TMEM267: variants seen among roughly 807,000 people sequenced by gnomAD.
The protein encoded by TMEM267 is transmembrane protein C5orf28.
A neutral mutation model predicts 19.3 loss-of-function variants in TMEM267; 20 were observed. The observed-to-expected ratio is 1.04, with a 90% CI of 0.73 to 1.51. TMEM267 has a LOEUF of 1.51. Among genes scored for constraint, TMEM267 ranks in the 40% most tolerant of loss-of-function variants. The pLI, the probability that TMEM267 is intolerant of heterozygous loss-of-function variation, is 0.00. For synonymous variants in TMEM267, 88 were observed against 90.3 expected (o/e 0.97, Z 0.15); for missense variants, 242 against 261.9 (o/e 0.92, Z 0.52).
chr5:43,448,667 T>G (rs1188474899), intron 2 of TMEM267, among the ~76,000 whole-genome samples: 1 of 151,814 alleles, frequency 6.6e-6, no homozygotes, highest in South Asian at 2.1e-4. Context: ...TCCCAGCTAA[T>G]TGGGAGGCTG....
chr5:43,464,486 C>T (rs1743497756), intron 1 of TMEM267, among the ~76,000 whole-genome samples: 1 of 152,208 alleles, frequency 6.6e-6, no homozygotes, highest in Non-Finnish European at 1.5e-5. Context: ...AAAAAAGAGC[C>T]CGCATTACCA....
intron 1 of TMEM267, among the ~76,000 whole-genome samples, chr5:43,474,230 A>C (rs779265632): frequency 6.6e-6 from 1 of 152,248 alleles, no homozygotes; most frequent in Non-Finnish European, 1.5e-5. Flanking sequence ...TACCAAAAGC[A>C]ATGGCAACAA....
rs1742195249 is a variant in TMEM267 at position 43,445,567 on chromosome 5, C to T, written c.*655G>A. The T allele has an allele frequency of 6.6e-6, 1 of 151,988 alleles. No homozygotes were observed. The highest frequency in any genetic ancestry group is 1.5e-5 in the Non-Finnish European group (1 of 67,964). The allele number at this position is 151,988 out of a possible 1,614,324, so 9.4% of individuals were successfully genotyped here. A position where few individuals can be genotyped will look rare whatever the true frequency, so the allele number is the denominator to read the frequency against. ...AGCCAACATGTTTTAATAATTATTT[C>T]CTAAATTAATTTCTGAAATAATAAG... On this transcript the variant is annotated 3_prime_UTR_variant, in exon 3 of 3. Coordinates refer to ENST00000397080, the MANE Select transcript of TMEM267 (RefSeq NM_022483.5).
chr5:43,450,068 C>A (rs1405533272), intron 2 of TMEM267, among the ~76,000 whole-genome samples: 2 of 151,312 alleles, frequency 1.3e-5, no homozygotes, highest in Admixed American at 1.3e-4. Flanking sequence ...AATCTTAGCT[C>A]ACTGTAACCT....
intron 1 of TMEM267, among the ~76,000 whole-genome samples, chr5:43,473,786 A>T (rs1487341921): frequency 6.6e-6 from 1 of 152,242 alleles, no homozygotes; most frequent in East Asian, 1.9e-4. Flanking sequence ...GAACCAAAAA[A>T]CAGCATGCAT....
Position 43,473,565 on chromosome 5 carries a change from C to T in TMEM267, c.-75+10257G>A, listed in dbSNP as rs561153076. Among the ~76,000 whole-genome samples the T allele has an allele frequency of 5.6e-4, 85 of 152,292 alleles. 1 individual carries two copies. Among genetic ancestry groups the T allele is most frequent in the African/African-American group, 2.0e-3 (82 of 41,546 alleles). On this transcript the variant is annotated intron_variant, in intron 1 of 2. Coordinates refer to ENST00000397080, the MANE Select transcript of TMEM267 (RefSeq NM_022483.5). ...AACTTACAAGGGATATGAAGGACCTCTTCAAGGAGAGCTACAAACCACTCA... is the reference window on the plus strand; with the variant it reads ...AACTTACAAGGGATATGAAGGACCTTTTCAAGGAGAGCTACAAACCACTCA...
chr5:43,457,374 C>T (rs1173922297), intron 1 of TMEM267, among the ~76,000 whole-genome samples: 2 of 152,118 alleles, frequency 1.3e-5, no homozygotes, highest in African/African-American at 4.8e-5. Context: ...CATGGAACTA[C>T]CTGAAACTGG....
intron 1 of TMEM267, among the ~76,000 whole-genome samples, chr5:43,476,970 T>C (rs986784956): frequency 1.5e-4 from 23 of 149,156 alleles, no homozygotes; most frequent in African/African-American, 5.4e-4. Context: ...GGCAGGAGGA[T>C]TGCTTGAGGC....
At chr5:43,450,265 T>G (rs1300844548) in intron 2 of TMEM267, among the ~76,000 whole-genome samples, 4 of 152,130 alleles carry the variant, frequency 2.6e-5, no homozygotes, top group African/African-American at 9.7e-5. Context: ...GTGTTGGGGT[T>G]ACAGGCATGA....
Position 43,446,332 on chromosome 5 carries a change from G to A in TMEM267, c.538C>T (p.Leu180Phe). 6.2e-7 allele frequency: 1 copy of A among 1,613,776 alleles called. No homozygotes were observed. Among genetic ancestry groups the A allele is most frequent in the Non-Finnish European group, 8.5e-7 (1 of 1,179,698 alleles). The change falls in exon 3 of 3, where the codon CTT (leucine) becomes TTT (phenylalanine). Residue 180 changes from leucine (L) to phenylalanine (F), a missense_variant. Coordinates refer to ENST00000397080, the MANE Select transcript of TMEM267 (RefSeq NM_022483.5). ...AAAGATGATGTGATTATTACATAAA[G>A]CCAGAATGGCAAAGGAGAAGTTTTT... Reference protein sequence around the residue: ...FGKTSPLPFWLYVIITSSLPH... With the variant: ...FGKTSPLPFWFYVIITSSLPH...
In TMEM267 at chr5:43,477,025, G is replaced by GAA. The variant is rs766177935; in HGVS notation, c.-75+6795_-75+6796dup. 1.5e-4 allele frequency among the ~76,000 whole-genome samples: 16 copies of GAA among 107,424 alleles called. No homozygotes were observed. In the East Asian group the frequency reaches 2.6e-3, roughly 18 times the overall value. The allele number at this position is 107,424 out of a possible 152,430, so 70.5% of individuals were successfully genotyped here. On this transcript the variant is annotated intron_variant, in intron 1 of 2. Transcript: ENST00000397080. Reference sequence around the variant, plus strand: ...TGGGCAACACAGACTGTCTGTACTAGAAAAAAAAAAAAAAAAAGCCAGGCG... The same window carrying GAA: ...TGGGCAACACAGACTGTCTGTACTAGAAAAAAAAAAAAAAAAAAAGCCAGGCG...
chr5:43,451,001 A>AT (rs142207810), intron 2 of TMEM267, among the ~76,000 whole-genome samples: 3,395 of 150,896 alleles, frequency 0.022, 57 homozygotes, highest in Admixed American at 0.037. Flanking sequence ...TGCCCGGCTA[A>AT]TTTTTTTTTG....
intron 1 of TMEM267, among the ~76,000 whole-genome samples, chr5:43,464,984 C>T (rs1743550982): frequency 6.6e-6 from 1 of 152,160 alleles, no homozygotes; most frequent in Non-Finnish European, 1.5e-5. Context: ...AGAGCTTCTG[C>T]ACAGCAAAAG....
At chr5:43,480,056 C>T (rs2112221110) in intron 1 of TMEM267, 1 of 269,292 alleles carries the variant, frequency 3.7e-6, no homozygotes, top group Middle Eastern at 1.1e-3. Flanking sequence ...ATAAAATGTC[C>T]CTTTCAACTA....
chr5:43,463,790 C>T lies in TMEM267; in HGVS notation c.-74-9747G>A, dbSNP rs183670679. Among the ~76,000 whole-genome samples the T allele has an allele frequency of 3.4e-4, 52 of 152,238 alleles. No homozygotes were observed. The East Asian group carries it at 7.3e-3, about 21-fold the overall frequency. On this transcript the variant is annotated intron_variant, in intron 1 of 2. Transcript: ENST00000397080. Reference sequence around the variant, plus strand: ...TAAAAACTCTCAATAAATTAGGTATCGATGGGATGTATCTCCAAATAATCA... The same window carrying T: ...TAAAAACTCTCAATAAATTAGGTATTGATGGGATGTATCTCCAAATAATCA...
In TMEM267 at chr5:43,446,421, AT is replaced by A; in HGVS notation, c.448del (p.Ile150TyrfsTer33). On this transcript the variant is annotated frameshift_variant, in exon 3 of 3. Transcript: ENST00000397080. LOFTEE classifies it high-confidence loss of function. ...SWCFLPWMLF[I>X]SWTSHHIRDG... ...TCGGATATGATGTGAAGTCCAGGAT[AT>A]AAATAACATCCAGGGAAGAAAGCAC... 1 of 1,613,920 alleles carries A rather than the reference AT, an allele frequency of 6.2e-7. No homozygotes were observed. The highest frequency in any genetic ancestry group is 8.5e-7 in the Non-Finnish European group (1 of 1,179,766).
chr5:43,471,780 A>G (rs1320557990), intron 1 of TMEM267, among the ~76,000 whole-genome samples: 1 of 152,240 alleles, frequency 6.6e-6, no homozygotes, highest in African/African-American at 2.4e-5. Context: ...CACACCATAT[A>G]CAAAAATCAA....
intron 1 of TMEM267, among the ~76,000 whole-genome samples, chr5:43,475,207 C>T (rs1333879598): frequency 6.6e-6 from 1 of 152,158 alleles, no homozygotes; most frequent in Non-Finnish European, 1.5e-5. Context: ...AAAGAATGAA[C>T]TCATGTCCTT....
chr5:43,453,644 C>A lies in TMEM267; in HGVS notation c.312+14G>T. 1 of 1,604,708 alleles carries A rather than the reference C, an allele frequency of 6.2e-7. No homozygotes were observed. The highest frequency in any genetic ancestry group is 2.2e-5 in the East Asian group (1 of 44,758). ...GAAATTAAAGATCAGAAAAATTAAG[C>A]CTATGCTTTTTACCTTTAAAGACAT... On this transcript the variant is annotated intron_variant, in intron 2 of 2. Coordinates refer to ENST00000397080, the MANE Select transcript of TMEM267 (RefSeq NM_022483.5).
Sources: gnomAD v4.1 joint callset for allele counts (sites outside exome capture counted in the v4.1 genomes callset) on GRCh38, gnomAD v4.1.1 for gene constraint, MANE v1.5 for transcripts, NCBI Gene and HGNC (gene_info 2026-07-23, HGNC 2026-07-21) for gene names.